PUM2: variants seen among roughly 807,000 people sequenced by gnomAD.
The protein encoded by PUM2 is pumilio homolog 2.
In PUM2, 57 loss-of-function variants were observed where a neutral mutation model predicts 124.5. That is an observed-to-expected ratio of 0.46 (90% CI 0.37 to 0.57). The LOEUF is 0.57. PUM2 is among the 20% of genes least tolerant of loss of function. The pLI, the probability that PUM2 is intolerant of heterozygous loss-of-function variation, is 0.00. For missense variants in PUM2, 1,065 were observed against 1,290.6 expected (o/e 0.83, Z 2.68); for synonymous variants, 460 against 446.1 (o/e 1.03, Z -0.39).
At chr2:20,328,785 G>A (rs573304983) in intron 1 of PUM2, among the ~76,000 whole-genome samples, 1 of 151,888 alleles carries the variant, frequency 6.6e-6, no homozygotes, top group East Asian at 1.9e-4. Context: ...GAAAATAGTG[G>A]AAAAAAAATG....
intron 13 of PUM2, among the ~76,000 whole-genome samples, chr2:20,275,467 T>C (rs952876798): frequency 5.3e-5 from 8 of 152,040 alleles, no homozygotes; most frequent in African/African-American, 1.4e-4. Flanking sequence ...TTCTTCTTTA[T>C]AGAAAAGTTC....
chr2:20,254,994 A>G lies in PUM2; in HGVS notation c.2749-10T>C. On this transcript the variant is annotated splice_polypyrimidine_tract_variant and intron_variant, in intron 18 of 20. Coordinates refer to ENST00000361078, the MANE Select transcript of PUM2 (RefSeq NM_015317.5). ...AATTGCCATACTGATCCTAAGACAG[A>G]TATTTAAAAATTACTTTCCCTAAGT... The G allele has an allele frequency of 6.2e-7, 1 of 1,601,760 alleles. No homozygotes were observed. The highest frequency in any genetic ancestry group is 8.5e-7 in the Non-Finnish European group (1 of 1,175,046).
chr2:20,326,902 T>G (rs1369080774), intron 2 of PUM2, among the ~76,000 whole-genome samples: 1 of 152,224 alleles, frequency 6.6e-6, no homozygotes, highest in Admixed American at 6.5e-5. Flanking sequence ...ATTAGAAGTT[T>G]GTTAAGTAAA....
intron 3 of PUM2, among the ~76,000 whole-genome samples, chr2:20,317,194 TA>T: frequency 6.6e-6 from 1 of 151,460 alleles, no homozygotes; most frequent in East Asian, 1.9e-4. Context: ...AACACCCTCT[TA>T]AAAAGGAAAA....
intron 19 of PUM2, among the ~76,000 whole-genome samples, chr2:20,254,371 T>C (rs891405675): frequency 3.3e-5 from 5 of 152,118 alleles, no homozygotes; most frequent in Admixed American, 6.5e-5. Context: ...TCCAGGCTGA[T>C]CTCGAATTCC....
Position 20,256,157 on chromosome 2 carries a change from T to A in PUM2, c.2498A>T (p.Lys833Met). Residue 833 changes from lysine (K) to methionine (M), a missense_variant, in exon 17 of 21, where the codon AAG (lysine) becomes ATG (methionine). Lys to Met is a moderately conservative substitution (Grantham distance 95). Around this residue, in one of 3 missense-constraint regions of PUM2, gnomAD observed 968 missense variants for 1,159.8 expected, o/e 0.83. Transcript: ENST00000361078. Reference protein sequence around the residue: ...ISSDQQSEMVKELDGHVLKCV... With the variant: ...ISSDQQSEMVMELDGHVLKCV... ...TTTGAGCACATGACCATCCAGCTCC[T>A]TTACCATTTCACTCTGCAAAAGACA... 3 of 1,592,790 alleles carry A rather than the reference T, an allele frequency of 1.9e-6. No homozygotes were observed. Among genetic ancestry groups the A allele is most frequent in the Non-Finnish European group, 2.6e-6 (3 of 1,173,052 alleles).
At chr2:20,346,984 C>T (rs1688368123) in intron 1 of PUM2, among the ~76,000 whole-genome samples, 1 of 152,202 alleles carries the variant, frequency 6.6e-6, no homozygotes, top group African/African-American at 2.4e-5. Context: ...TCCTTTTACA[C>T]TTCATGCTAC....
intron 13 of PUM2, among the ~76,000 whole-genome samples, chr2:20,270,551 A>C (rs77602641): frequency 0.27 from 41,344 of 151,482 alleles, 6,086 homozygotes; most frequent in Middle Eastern, 0.34. Context: ...AAAACAAATA[A>C]ACACACACAC....
chr2:20,344,823 A>C (rs1454810559), intron 1 of PUM2, among the ~76,000 whole-genome samples: 2 of 151,628 alleles, frequency 1.3e-5, no homozygotes, highest in African/African-American at 4.9e-5. Flanking sequence ...TCTACTAAAA[A>C]TACAAAAAAA....
intron 1 of PUM2, among the ~76,000 whole-genome samples, chr2:20,335,042 T>C (rs979890932): frequency 6.6e-6 from 1 of 152,092 alleles, no homozygotes; most frequent in African/African-American, 2.4e-5. Flanking sequence ...CTCACCTCAG[T>C]CTCCGGGAGT....
chr2:20,342,802 T>C lies in PUM2; in HGVS notation c.-19+7795A>G, dbSNP rs138231052. On this transcript the variant is annotated intron_variant, in intron 1 of 20. Coordinates refer to ENST00000361078, the MANE Select transcript of PUM2 (RefSeq NM_015317.5). ...CAAGTAATCAAGAACAAGCTTTGAA[T>C]TGGTTAACTTTAAAGTGAGATGAAA... is the stretch of plus-strand genomic sequence containing the variant. Among the ~76,000 whole-genome samples the C allele has an allele frequency of 3.3e-5, 5 of 152,338 alleles. No homozygotes were observed. The East Asian group carries it at 7.7e-4, about 23-fold the overall frequency.
chr2:20,252,823 G>A (rs1367012912), intron 20 of PUM2, among the ~76,000 whole-genome samples: 1 of 152,160 alleles, frequency 6.6e-6, no homozygotes, highest in Non-Finnish European at 1.5e-5. Flanking sequence ...TAAATTAAAT[G>A]TAGTTTGCCA....
intron 2 of PUM2, among the ~76,000 whole-genome samples, chr2:20,322,496 G>C (rs1183205619): frequency 3.3e-5 from 5 of 152,110 alleles, no homozygotes; most frequent in African/African-American, 1.2e-4. Flanking sequence ...TCTAGTCCCA[G>C]CTATTTAGGA....
At chr2:20,316,321 A>ACTC (rs1680924972) in intron 3 of PUM2, among the ~76,000 whole-genome samples, 1 of 152,128 alleles carries the variant, frequency 6.6e-6, no homozygotes, top group East Asian at 1.9e-4. Flanking sequence ...TTAACAATGA[A>ACTC]ATTAAACATT....
intron 14 of PUM2, among the ~76,000 whole-genome samples, chr2:20,262,875 A>G (rs1469097210): frequency 6.6e-6 from 1 of 152,192 alleles, no homozygotes; most frequent in Non-Finnish European, 1.5e-5. Context: ...TATATTTTTT[A>G]AACACACCAT....
chr2:20,325,557 AT>A (rs1330212964), intron 2 of PUM2, among the ~76,000 whole-genome samples: 1 of 152,152 alleles, frequency 6.6e-6, no homozygotes, highest in African/African-American at 2.4e-5. Context: ...GAAAACATAT[AT>A]ACAATATACA....
At position 20,249,274 on chromosome 2, in the gene PUM2, C is replaced by G. The variant is rs890087446; in HGVS notation, c.*2311G>C. On this transcript the variant is annotated 3_prime_UTR_variant, in exon 21 of 21. Coordinates refer to ENST00000361078, the MANE Select transcript of PUM2 (RefSeq NM_015317.5). ...AAGCCATTACCAATCTCCAACATGA[C>G]AGCTTTGATCCTGAAACCATGGGCT... The G allele has an allele frequency of 6.6e-6, 1 of 152,304 alleles. No homozygotes were observed. Among genetic ancestry groups the G allele is most frequent in the Non-Finnish European group, 1.5e-5 (1 of 68,056 alleles). 9.4% of individuals were successfully genotyped at this position (152,304 alleles called of 1,614,324 possible).
chr2:20,293,197 T>C (rs4666380), intron 9 of PUM2, among the ~76,000 whole-genome samples: 24,753 of 152,230 alleles, frequency 0.16, 2,140 homozygotes, highest in East Asian at 0.24. Context: ...TACATAAGCA[T>C]GATAAATTTA....
intron 14 of PUM2, 56 bp downstream of exon 14, chr2:20,263,137 T>C: frequency 6.7e-7 from 1 of 1,494,740 alleles, no homozygotes; most frequent in South Asian, 1.2e-5. Flanking sequence ...TTTAAGCTTT[T>C]ATAAGGCAGC....
Sources: allele counts gnomAD v4.1 joint callset (sites outside exome capture counted in the v4.1 genomes callset), GRCh38; gene constraint gnomAD v4.1.1; regional missense constraint gnomAD v4.1.1; transcripts MANE v1.5; gene names NCBI Gene and HGNC (gene_info 2026-07-23, HGNC 2026-07-21).